MAML2: variants seen among roughly 807,000 people sequenced by gnomAD.
MAML2 encodes the protein mastermind-like protein 2.
MAML2 carries 22 observed loss-of-function variants against 96.1 expected under a neutral mutation model. That is an observed-to-expected ratio of 0.23 (90% confidence interval 0.16 to 0.33). The LOEUF (loss-of-function observed/expected upper bound fraction) is 0.33, where lower values mean the gene tolerates loss of function less well. Ranked by LOEUF, MAML2 falls within the 10% of genes least tolerant of loss-of-function variation. The pLI is 1.00. For synonymous variants in MAML2, 561 were observed against 521.3 expected (o/e 1.08, Z -1.04); for missense variants, 1,367 against 1,392.4 (o/e 0.98, Z 0.29).
chr11:95,985,740 C>A (rs1223530873), intron 3 of MAML2, 98 bp from the exon 4 acceptor site: 4 of 719,770 alleles, frequency 5.6e-6, no homozygotes, highest in Middle Eastern at 2.7e-4. Context: ...AATATAAGAA[C>A]AATTTTGCAA....
intron 1 of MAML2, among the ~76,000 whole-genome samples, chr11:96,280,273 AG>A (rs1391768029): frequency 6.6e-6 from 1 of 152,202 alleles, no homozygotes; most frequent in Non-Finnish European, 1.5e-5. Flanking sequence ...TCTCATGGAA[AG>A]GGGGTAATAG....
chr11:96,330,584 T>C (rs1025081909), intron 1 of MAML2, among the ~76,000 whole-genome samples: 1 of 152,226 alleles, frequency 6.6e-6, no homozygotes, highest in Non-Finnish European at 1.5e-5. Flanking sequence ...ATTCTGTGGA[T>C]TGGCTGGGCA....
At chr11:96,027,772 C>T (rs1055180347) in intron 2 of MAML2, among the ~76,000 whole-genome samples, 2 of 152,332 alleles carry the variant, frequency 1.3e-5, no homozygotes, top group East Asian at 3.9e-4. Flanking sequence ...CATTCTGCCA[C>T]TCAGGCTGGA....
intron 1 of MAML2, among the ~76,000 whole-genome samples, chr11:96,251,381 A>G (rs1271956500): frequency 6.6e-6 from 1 of 152,174 alleles, no homozygotes; most frequent in Non-Finnish European, 1.5e-5. Flanking sequence ...GGATAATTAG[A>G]TAGGTAGGCC....
At chr11:96,227,327 A>G (rs1473849291) in intron 1 of MAML2, among the ~76,000 whole-genome samples, 1 of 152,198 alleles carries the variant, frequency 6.6e-6, no homozygotes, top group Non-Finnish European at 1.5e-5. Context: ...TCCATTCCTT[A>G]ATATTGCTTT....
intron 1 of MAML2, among the ~76,000 whole-genome samples, chr11:96,211,774 G>C (rs1166756959): frequency 6.6e-6 from 1 of 152,134 alleles, no homozygotes; most frequent in African/African-American, 2.4e-5. Flanking sequence ...CAATAGTTTG[G>C]ATTCGTCTTT....
intron 2 of MAML2, among the ~76,000 whole-genome samples, chr11:96,045,117 G>A (rs1858875906): frequency 6.6e-6 from 1 of 152,040 alleles, no homozygotes; most frequent in Non-Finnish European, 1.5e-5. Flanking sequence ...TGGTGGATAG[G>A]CCCTAAGGAA....
At chr11:96,312,244 A>AAAAAAAAAAT (rs60194294) in intron 1 of MAML2, among the ~76,000 whole-genome samples, 8 of 147,738 alleles carry the variant, frequency 5.4e-5, no homozygotes, top group Non-Finnish European at 1.1e-4. Flanking sequence ...AAAAAAAAAA[A>AAAAAAAAAAT]GAATGAGCAA....
intron 1 of MAML2, among the ~76,000 whole-genome samples, chr11:96,279,696 T>C (rs922256354): frequency 6.6e-6 from 1 of 152,236 alleles, no homozygotes; most frequent in Non-Finnish European, 1.5e-5. Context: ...ATGGCTCACC[T>C]GTGTCCTTGC....
intron 2 of MAML2, among the ~76,000 whole-genome samples, chr11:96,019,968 T>C (rs893993354): frequency 4.6e-5 from 7 of 152,330 alleles, no homozygotes; most frequent in Non-Finnish European, 8.8e-5. Flanking sequence ...CTCTGGAGTT[T>C]ACGCTATTCA....
intron 1 of MAML2, among the ~76,000 whole-genome samples, chr11:96,171,976 C>A (rs1455643249): frequency 1.3e-5 from 2 of 152,220 alleles, no homozygotes; most frequent in African/African-American, 4.8e-5. Flanking sequence ...AGAGACCATG[C>A]CTTCCATGTC....
intron 2 of MAML2, among the ~76,000 whole-genome samples, chr11:96,038,285 A>G (rs1858751196): frequency 6.6e-6 from 1 of 152,200 alleles, no homozygotes; most frequent in Non-Finnish European, 1.5e-5. Flanking sequence ...CACCTGTATT[A>G]TATCGACATA....
chr11:96,137,391 A>G (rs1431140456), intron 1 of MAML2, among the ~76,000 whole-genome samples: 1 of 152,236 alleles, frequency 6.6e-6, no homozygotes, highest in African/African-American at 2.4e-5. Flanking sequence ...CTGGATCAAA[A>G]GAAGCAAATC....
intron 2 of MAML2, among the ~76,000 whole-genome samples, chr11:96,085,001 A>G (rs1000339958): frequency 6.6e-6 from 1 of 152,218 alleles, no homozygotes; most frequent in Non-Finnish European, 1.5e-5. Context: ...AACTTGATTT[A>G]GCAGGATGCA....
intron 1 of MAML2, among the ~76,000 whole-genome samples, chr11:96,282,471 C>T (rs942124092): frequency 2.0e-5 from 3 of 152,276 alleles, no homozygotes; most frequent in African/African-American, 2.4e-5. Flanking sequence ...GATGTCCACT[C>T]TCCAGGTCTT....
rs531707667 is a variant in MAML2 at position 96,042,913 on chromosome 11, T to G, written c.2139+48979A>C. The stretch of plus-strand genomic sequence containing the variant: ...GCATGTACCACCACACCCGGCTAAT[T>G]TTTTGTATTTTTAGTAGAGATGGGG... On this transcript the variant is annotated intron_variant, in intron 2 of 4. Coordinates refer to ENST00000524717, the MANE Select transcript of MAML2 (RefSeq NM_032427.4). Among the ~76,000 whole-genome samples, 4 of 152,000 alleles carry G rather than the reference T, an allele frequency of 2.6e-5. No homozygotes were observed. In the East Asian group the frequency reaches 7.7e-4, roughly 29 times the overall value.
chr11:96,185,279 T>C (rs960481410), intron 1 of MAML2, among the ~76,000 whole-genome samples: 6 of 152,224 alleles, frequency 3.9e-5, no homozygotes, highest in Non-Finnish European at 8.8e-5. Context: ...ACTGCCTTTC[T>C]AGAAAAGGAG....
Position 96,155,509 on chromosome 11 carries a change from AATATATATATAT to A in MAML2, c.514-62004_514-61993del, listed in dbSNP as rs56860340. Among the ~76,000 whole-genome samples the A allele has an allele frequency of 8.1e-3, 606 of 74,850 alleles. 41 individuals carry two copies. The highest frequency in any genetic ancestry group is 0.029 in the African/African-American group (472 of 16,524). 49.1% of individuals were successfully genotyped at this position (74,850 alleles called of 152,430 possible). A position where few individuals can be genotyped will look rare whatever the true frequency, so the allele number is the denominator to read the frequency against. ...ACCTCATGGGCGCTGTAACAATTCA[AATATATATATAT>A]ATATATATATATATATATATATATA... On this transcript the variant is annotated intron_variant, in intron 1 of 4. Transcript: ENST00000524717.
At chr11:96,031,162 C>G (rs1417629408) in intron 2 of MAML2, among the ~76,000 whole-genome samples, 1 of 152,164 alleles carries the variant, frequency 6.6e-6, no homozygotes, top group African/African-American at 2.4e-5. Context: ...CAGTAAAGTA[C>G]CTGGCATGAA....
Sources: allele counts gnomAD v4.1 joint callset (sites outside exome capture counted in the v4.1 genomes callset), GRCh38; gene constraint gnomAD v4.1.1; transcripts MANE v1.5; gene names NCBI Gene and HGNC (gene_info 2026-07-23, HGNC 2026-07-21).